Variants in SH3D19 observed in about 807,000 individuals in gnomAD.
SH3D19 encodes the protein SH3 domain containing 19.
SH3D19 carries 58 observed loss-of-function variants against 112.1 expected under a neutral mutation model. That is an observed-to-expected ratio of 0.52 (90% CI 0.42 to 0.64). The LOEUF (loss-of-function observed/expected upper bound fraction) is 0.64. SH3D19 is among the 30% of genes least tolerant of loss of function. SH3D19 has a pLI of 0.00. For synonymous variants in SH3D19, 391 were observed against 448.5 expected (o/e 0.87, Z 1.62); for missense variants, 1,090 against 1,263.4 (o/e 0.86, Z 2.08).
At position 151,255,203 on chromosome 4, in the gene SH3D19, G is replaced by A. The variant is rs1251770496; in HGVS notation, c.113-29117C>T. Reference sequence around the variant, plus strand: ...TCACTTCCCAGATGGGGTGGCTGCCGGGCGGAGAGGCTCCTCACTTCTCAG... The same window carrying A: ...TCACTTCCCAGATGGGGTGGCTGCCAGGCGGAGAGGCTCCTCACTTCTCAG... On this transcript the variant is annotated intron_variant, in intron 1 of 19. Coordinates refer to ENST00000604030, the MANE Select transcript of SH3D19 (RefSeq NM_001378122.1). 5.9e-5 allele frequency among the ~76,000 whole-genome samples: 9 copies of A among 151,284 alleles called. No homozygotes were observed. The East Asian group carries it at 8.0e-4, about 13-fold the overall frequency.
At chr4:151,281,587 T>C (rs931454266) in intron 1 of SH3D19, among the ~76,000 whole-genome samples, 2 of 152,056 alleles carry the variant, frequency 1.3e-5, no homozygotes, top group African/African-American at 2.4e-5. Context: ...TTGAAAACAC[T>C]TGAAAATTAC....
intron 19 of SH3D19, among the ~76,000 whole-genome samples, chr4:151,126,213 C>A (rs28593016): frequency 6.6e-6 from 1 of 152,064 alleles, no homozygotes; most frequent in Non-Finnish European, 1.5e-5. Context: ...GTGTGAGCCA[C>A]TGTTGCTCGG....
At chr4:151,161,475 T>A (rs1280927751) in intron 8 of SH3D19, among the ~76,000 whole-genome samples, 1 of 152,022 alleles carries the variant, frequency 6.6e-6, no homozygotes, top group Non-Finnish European at 1.5e-5. Flanking sequence ...TCATTTCAGT[T>A]CTCCTACATT....
At chr4:151,180,929 ATT>A (rs67090009) in intron 3 of SH3D19, among the ~76,000 whole-genome samples, 1 of 132,016 alleles carries the variant, frequency 7.6e-6, no homozygotes, top group African/African-American at 3.0e-5. Flanking sequence ...ATGCCCGGCT[ATT>A]TTTTTTTTTT....
At chr4:151,289,062 A>C (rs530467432) in intron 1 of SH3D19, among the ~76,000 whole-genome samples, 44 of 152,370 alleles carry the variant, frequency 2.9e-4, no homozygotes, top group South Asian at 8.3e-4. Flanking sequence ...AATAGGATTG[A>C]GTGTACAGAA....
chr4:151,122,081 A>C lies in SH3D19; in HGVS notation c.*10T>G. On this transcript the variant is annotated 3_prime_UTR_variant, in exon 20 of 20. Coordinates refer to ENST00000604030, the MANE Select transcript of SH3D19 (RefSeq NM_001378122.1). ...GTTCTTGTGCCAAGGAACACAGACA[A>C]GCTTCTCCTCTAGCTGATCTGTAGA... 1 of 1,373,040 alleles carries C rather than the reference A, an allele frequency of 7.3e-7. No homozygotes were observed. The highest frequency in any genetic ancestry group is 1.7e-5 in the Admixed American group (1 of 58,464). The allele number at this position is 1,373,040 out of a possible 1,614,324, so 85.1% of individuals were successfully genotyped here. A position where few individuals can be genotyped will look rare whatever the true frequency, so the allele number is the denominator to read the frequency against.
chr4:151,270,706 A>G (rs1490657320), intron 1 of SH3D19, among the ~76,000 whole-genome samples: 2 of 152,206 alleles, frequency 1.3e-5, no homozygotes, highest in Non-Finnish European at 2.9e-5. Flanking sequence ...GGAATTTGTC[A>G]GCTCCATTAT....
rs372314285 is a variant in SH3D19, at chr4:151,174,995, C to A, written c.1209G>T (p.Gly403=). ...CACTATCAGAGCTCTCAGCCAGGGG[C>A]CCTCTTCCCGGAATCTCAGGATTAA... ...RSVNPEIPGR[G]PLAESSDSGK... Residue 403 remains glycine (G), a synonymous_variant, in exon 7 of 20, where the codon GGG becomes GGT. Transcript: ENST00000604030. 156 of 1,614,068 alleles carry A rather than the reference C, an allele frequency of 9.7e-5. No homozygotes were observed. The highest frequency in any genetic ancestry group is 1.3e-4 in the Non-Finnish European group (156 of 1,180,050).
At chr4:151,265,188 T>G (rs185059582) in intron 1 of SH3D19, among the ~76,000 whole-genome samples, 1 of 152,030 alleles carries the variant, frequency 6.6e-6, no homozygotes, top group African/African-American at 2.4e-5. Flanking sequence ...TAAAGAATGA[T>G]TACAATTTAT....
chr4:151,228,253 G>A (rs1044515501), intron 1 of SH3D19, among the ~76,000 whole-genome samples: 5 of 152,136 alleles, frequency 3.3e-5, no homozygotes, highest in African/African-American at 1.2e-4. Flanking sequence ...ATATAGATAC[G>A]CAGTACTTAT....
At chr4:151,290,678 A>G (rs968411745) in intron 1 of SH3D19, among the ~76,000 whole-genome samples, 1 of 152,220 alleles carries the variant, frequency 6.6e-6, no homozygotes, top group Admixed American at 6.5e-5. Context: ...TGTGAATTAT[A>G]TGACAGTAAA....
chr4:151,185,040 GTTTTTTTTTTTTTT>G (rs66567240), intron 3 of SH3D19, among the ~76,000 whole-genome samples: 1 of 66,520 alleles, frequency 1.5e-5, no homozygotes, highest in African/African-American at 6.8e-5. Flanking sequence ...GCTGTGTCCT[GTTTTTTTTTTTTTT>G]TTTTTTTTTT....
chr4:151,266,812 A>G (rs1772825802), intron 1 of SH3D19, among the ~76,000 whole-genome samples: 1 of 152,150 alleles, frequency 6.6e-6, no homozygotes, highest in Non-Finnish European at 1.5e-5. Flanking sequence ...ACTCATATTT[A>G]CTTTATGACT....
At chr4:151,196,676 C>T (rs1362772873) in intron 2 of SH3D19, among the ~76,000 whole-genome samples, 1 of 151,722 alleles carries the variant, frequency 6.6e-6, no homozygotes, top group East Asian at 1.9e-4. Flanking sequence ...AGCTTCTGCA[C>T]AGCAAAACAA....
intron 2 of SH3D19, among the ~76,000 whole-genome samples, chr4:151,199,134 T>A (rs1270503272): frequency 6.6e-6 from 1 of 151,824 alleles, no homozygotes; most frequent in Non-Finnish European, 1.5e-5. Context: ...AATAGTTACA[T>A]GAAATTACCC....
At chr4:151,222,882 G>A (rs1029778448) in intron 2 of SH3D19, among the ~76,000 whole-genome samples, 1 of 151,664 alleles carries the variant, frequency 6.6e-6, no homozygotes, top group Non-Finnish European at 1.5e-5. Context: ...GGCCAGTCTG[G>A]CCTCGAACTC....
chr4:151,316,647 A>G (rs941862276), intron 1 of SH3D19, among the ~76,000 whole-genome samples: 1 of 151,220 alleles, frequency 6.6e-6, no homozygotes, highest in Non-Finnish European at 1.5e-5. Flanking sequence ...TTCCCTTGGT[A>G]TAACTTGGAA....
intron 1 of SH3D19, among the ~76,000 whole-genome samples, chr4:151,304,461 C>G (rs1158423092): frequency 6.6e-6 from 1 of 152,154 alleles, no homozygotes. Context: ...CTAGAGAGAA[C>G]AAAACCAACC....
At chr4:151,129,558 C>T (rs1249581523) in intron 17 of SH3D19, among the ~76,000 whole-genome samples, 10 of 152,048 alleles carry the variant, frequency 6.6e-5, no homozygotes, top group African/African-American at 1.7e-4. Flanking sequence ...TTAGTAGAGA[C>T]GGGGTTTCAC....
Sources: gnomAD v4.1 joint callset for allele counts (sites outside exome capture counted in the v4.1 genomes callset) on GRCh38, gnomAD v4.1.1 for gene constraint, MANE v1.5 for transcripts, NCBI Gene and HGNC (gene_info 2026-07-23, HGNC 2026-07-21) for gene names.